The following TYR variants were observed in gnomAD, a reference collection of about 807,000 sequenced individuals.
TYR encodes tyrosinase, also known as LB24-AB.
Under a neutral mutation model 51.5 loss-of-function variants are expected in TYR, and 58 were observed. The observed-to-expected ratio is 1.13, with a 90% CI of 0.91 to 1.40. The LOEUF (loss-of-function observed/expected upper bound fraction) is 1.40. Ranked by LOEUF, TYR falls within the 40% of genes most tolerant of loss-of-function variation. The pLI, the probability that TYR is intolerant of heterozygous loss-of-function variation, is 0.00. For missense variants in TYR, 732 were observed against 647.4 expected (o/e 1.13, Z -1.42); for synonymous variants, 263 against 235.2 (o/e 1.12, Z -1.08).
rs368904400 is a variant in TYR, at chr11:89,225,413, A to G, written c.1037-2410A>G. On this transcript the variant is annotated intron_variant, in intron 2 of 4. Coordinates refer to ENST00000263321, the MANE Select transcript of TYR (RefSeq NM_000372.5). ...TAACAAAAAATTTGTATCCTTAGAC[A>G]TAGATCTCCTGAACTTATTCCTCCT... Among the ~76,000 whole-genome samples the G allele has an allele frequency of 7.9e-5, 12 of 151,920 alleles. No individual in the cohort carries two copies. The East Asian group carries it at 1.2e-3, about 15-fold the overall frequency.
At chr11:89,192,875 C>T (rs1179998732) in intron 2 of TYR, among the ~76,000 whole-genome samples, 1 of 152,114 alleles carries the variant, frequency 6.6e-6, no homozygotes, top group Non-Finnish European at 1.5e-5. Context: ...AGATATTCAT[C>T]TTTTGGTTAT....
chr11:89,227,372 G>A (rs561701734), intron 2 of TYR, among the ~76,000 whole-genome samples: 2 of 152,220 alleles, frequency 1.3e-5, no homozygotes, highest in East Asian at 1.9e-4. Flanking sequence ...CAAATTTTAC[G>A]CTTTCTCTGG....
At chr11:89,231,812 C>T (rs1944054403) in intron 3 of TYR, among the ~76,000 whole-genome samples, 1 of 140,838 alleles carries the variant, frequency 7.1e-6, no homozygotes, top group Admixed American at 7.0e-5. Context: ...AGTAAAACCC[C>T]ATTTCTACTA....
rs561492294 is a variant in TYR, at chr11:89,284,436, T to C, written c.1185-337T>C. Among the ~76,000 whole-genome samples, 6 of 151,966 alleles carry C rather than the reference T, an allele frequency of 3.9e-5. No individual in the cohort carries two copies. The South Asian group carries it at 1.0e-3, about 26-fold the overall frequency. On this transcript the variant is annotated intron_variant, in intron 3 of 4. Transcript: ENST00000263321. Reference sequence around the variant, plus strand: ...TTTCTCTGGTCTTTCTTTGGGAATATATTTAATTTACAACTATGACTCAAT... The same window carrying C: ...TTTCTCTGGTCTTTCTTTGGGAATACATTTAATTTACAACTATGACTCAAT...
intron 1 of TYR, among the ~76,000 whole-genome samples, chr11:89,185,689 G>A (rs773552576): frequency 5.3e-5 from 8 of 152,178 alleles, no homozygotes; most frequent in Non-Finnish European, 8.8e-5. Context: ...AGTCAATGAC[G>A]GCAGGGTGGA....
At chr11:89,226,532 T>C (rs1429900871) in intron 2 of TYR, among the ~76,000 whole-genome samples, 1 of 151,954 alleles carries the variant, frequency 6.6e-6, no homozygotes, top group Non-Finnish European at 1.5e-5. Flanking sequence ...TCTCCCAGAA[T>C]GAATAAAATA....
chr11:89,235,393 T>C (rs1944097898), intron 3 of TYR, among the ~76,000 whole-genome samples: 1 of 152,190 alleles, frequency 6.6e-6, no homozygotes, highest in Non-Finnish European at 1.5e-5. Flanking sequence ...TGTAACATAA[T>C]TCACAATAGG....
chr11:89,190,658 T>C (rs1943430381), intron 1 of TYR, among the ~76,000 whole-genome samples: 1 of 152,130 alleles, frequency 6.6e-6, no homozygotes, highest in African/African-American at 2.4e-5. Flanking sequence ...ATAGTGTTTA[T>C]AAAATCTACT....
intron 2 of TYR, among the ~76,000 whole-genome samples, chr11:89,208,788 A>G (rs1309966570): frequency 1.3e-5 from 2 of 152,166 alleles, no homozygotes; most frequent in African/African-American, 4.8e-5. Flanking sequence ...AGACGTATTT[A>G]CTTTGTTTTT....
At chr11:89,249,162 A>C (rs1207536304) in intron 3 of TYR, among the ~76,000 whole-genome samples, 1 of 152,118 alleles carries the variant, frequency 6.6e-6, no homozygotes, top group Non-Finnish European at 1.5e-5. Flanking sequence ...TATCAAGCTC[A>C]AAAGAGAGAA....
chr11:89,281,927 T>C (rs1242355105), intron 3 of TYR, among the ~76,000 whole-genome samples: 1 of 151,794 alleles, frequency 6.6e-6, no homozygotes, highest in Non-Finnish European at 1.5e-5. Flanking sequence ...GCTAAAAAGA[T>C]GACTACCCCC....
chr11:89,221,052 CTT>C (rs1262006181), intron 2 of TYR, among the ~76,000 whole-genome samples: 5 of 152,170 alleles, frequency 3.3e-5, no homozygotes, highest in Non-Finnish European at 7.3e-5. Flanking sequence ...TTGTCATTGT[CTT>C]TGTGCAAACA....
intron 2 of TYR, among the ~76,000 whole-genome samples, chr11:89,209,752 A>C (rs899254272): frequency 2.0e-5 from 3 of 152,078 alleles, no homozygotes; most frequent in Non-Finnish European, 4.4e-5. Context: ...TCTGGGACGA[A>C]GCTTCCAGAG....
At chr11:89,230,326 C>T (rs1944030837) in intron 3 of TYR, among the ~76,000 whole-genome samples, 1 of 152,218 alleles carries the variant, frequency 6.6e-6, no homozygotes, top group South Asian at 2.1e-4. Context: ...TGGATATCCA[C>T]ATTCAGCAGA....
chr11:89,204,569 T>A (rs12417327), intron 2 of TYR, among the ~76,000 whole-genome samples: 5,142 of 152,028 alleles, frequency 0.034, 140 homozygotes, highest in African/African-American at 0.072. Context: ...TAATTTTTTT[T>A]ATATTTTTAG....
chr11:89,186,600 T>C (rs1017877348), intron 1 of TYR, among the ~76,000 whole-genome samples: 1 of 152,092 alleles, frequency 6.6e-6, no homozygotes, highest in African/African-American at 2.4e-5. Flanking sequence ...AGGTTGGGTG[T>C]TGATCCCATG....
chr11:89,196,017 G>A (rs954248915), intron 2 of TYR, among the ~76,000 whole-genome samples: 14 of 152,086 alleles, frequency 9.2e-5, no homozygotes, highest in Admixed American at 8.5e-4. Flanking sequence ...TCCTAGATGT[G>A]TGACCTTGGG....
intron 3 of TYR, among the ~76,000 whole-genome samples, chr11:89,248,582 G>A (rs1239509556): frequency 6.6e-6 from 1 of 152,172 alleles, no homozygotes; most frequent in Non-Finnish European, 1.5e-5. Flanking sequence ...GTAAACAAGA[G>A]GAACTTGGTG....
At chr11:89,202,040 G>C (rs1943604454) in intron 2 of TYR, among the ~76,000 whole-genome samples, 1 of 152,148 alleles carries the variant, frequency 6.6e-6, no homozygotes, top group African/African-American at 2.4e-5. Flanking sequence ...CAGTGGAAGT[G>C]GGGGTGTTTA....
Sources: gnomAD v4.1 joint callset for allele counts (sites outside exome capture counted in the v4.1 genomes callset) on GRCh38, gnomAD v4.1.1 for gene constraint, MANE v1.5 for transcripts, NCBI Gene and HGNC (gene_info 2026-07-23, HGNC 2026-07-21) for gene names.